MARCHF10: variants seen among roughly 807,000 people sequenced by gnomAD.
The protein encoded by MARCHF10 is probable E3 ubiquitin-protein ligase MARCHF10.
Under a neutral mutation model 76.2 loss-of-function variants are expected in MARCHF10, and 64 were observed. The observed-to-expected ratio is 0.84, with a 90% CI of 0.69 to 1.03. The LOEUF is 1.03. MARCHF10 is among the 50% of genes least tolerant of loss of function. The probability of loss-of-function intolerance (pLI) is 0.00; values close to 1 mark genes in which losing one functional copy is unlikely to be tolerated. For missense variants in MARCHF10, 875 were observed against 958.0 expected (o/e 0.91, Z 1.14); for synonymous variants, 340 against 357.5 (o/e 0.95, Z 0.55).
chr17:62,784,324 C>G (rs531902738), intron 3 of MARCHF10, among the ~76,000 whole-genome samples: 1 of 152,106 alleles, frequency 6.6e-6, no homozygotes, highest in Non-Finnish European at 1.5e-5. Context: ...AATTCAACAA[C>G]CCCTCATGCT....
intron 3 of MARCHF10, among the ~76,000 whole-genome samples, chr17:62,761,128 T>A (rs1207628397): frequency 6.6e-6 from 1 of 152,214 alleles, no homozygotes; most frequent in Non-Finnish European, 1.5e-5. Context: ...AGTCCTCTAC[T>A]TGTCAGTCTT....
At chr17:62,784,289 T>C (rs1316981927) in intron 3 of MARCHF10, among the ~76,000 whole-genome samples, 6 of 152,160 alleles carry the variant, frequency 3.9e-5, no homozygotes, top group Non-Finnish European at 5.9e-5. Context: ...ATTATCTCAA[T>C]AGATGCAGAA....
At chr17:62,715,758 A>G (rs1337113130) in intron 8 of MARCHF10, among the ~76,000 whole-genome samples, 1 of 152,118 alleles carries the variant, frequency 6.6e-6, no homozygotes. Flanking sequence ...GGAGTTCCTG[A>G]TCTAGCCGCT....
chr17:62,716,666 G>C (rs1257192255), intron 8 of MARCHF10, among the ~76,000 whole-genome samples: 1 of 150,172 alleles, frequency 6.7e-6, no homozygotes, highest in African/African-American at 2.5e-5. Context: ...AGAAATTTTT[G>C]TATGGTTTTT....
intron 6 of MARCHF10, among the ~76,000 whole-genome samples, chr17:62,729,806 C>G (rs1282174489): frequency 5.9e-5 from 9 of 151,968 alleles, no homozygotes; most frequent in Non-Finnish European, 8.8e-5. Flanking sequence ...ACTCCTGGCC[C>G]CAGGTGATCC....
chr17:62,744,564 T>C (rs1340210713), intron 4 of MARCHF10, 36 bp from the exon 5 acceptor site: 4 of 1,608,986 alleles, frequency 2.5e-6, no homozygotes, highest in Non-Finnish European at 3.4e-6. Flanking sequence ...AATTATTTTG[T>C]TTACAGGAAA....
intron 8 of MARCHF10, 34 bp downstream of exon 8, chr17:62,722,454 T>A (rs757473517): frequency 1.5e-5 from 23 of 1,494,910 alleles, no homozygotes; most frequent in Non-Finnish European, 1.9e-5. Flanking sequence ...TAACATACTT[T>A]AACCTGTGGA....
chr17:62,777,215 G>T (rs1056661263), intron 3 of MARCHF10, among the ~76,000 whole-genome samples: 31 of 152,168 alleles, frequency 2.0e-4, no homozygotes, highest in Non-Finnish European at 1.9e-4. Context: ...CAAGGTAAGA[G>T]GTGGAGCTCA....
intron 8 of MARCHF10, chr17:62,714,509 A>C: frequency 2.9e-6 from 2 of 692,050 alleles, no homozygotes; most frequent in Non-Finnish European, 3.6e-6. Flanking sequence ...CAAGACCTGC[A>C]TCTGTCTTGT....
intron 3 of MARCHF10, among the ~76,000 whole-genome samples, chr17:62,778,677 T>C (rs1253675570): frequency 1.8e-5 from 2 of 113,354 alleles, no homozygotes; most frequent in East Asian, 2.2e-4. Context: ...AACACGACTC[T>C]GTCTCAAAAA....
At chr17:62,807,926 T>A (rs67245197) in intron 1 of MARCHF10, among the ~76,000 whole-genome samples, 151 bp downstream of exon 1, 14,604 of 151,990 alleles carry the variant, frequency 0.096, 871 homozygotes, top group East Asian at 0.24. Flanking sequence ...GACAGAAAAA[T>A]GCTGGGGCTG....
Position 62,801,745 on chromosome 17 carries a change from TC to T in MARCHF10, c.-11del. Reference sequence around the variant, plus strand: ...TTGCGTCATGCAACATGATTCCTAATCCCTGACCTGCACAGAAAAGATAAAC... The same window carrying T: ...TTGCGTCATGCAACATGATTCCTAATCCTGACCTGCACAGAAAAGATAAAC... On this transcript the variant is annotated 5_prime_UTR_variant, in exon 2 of 11. Coordinates refer to ENST00000311269, the MANE Select transcript of MARCHF10 (RefSeq NM_152598.4). The T allele has an allele frequency of 6.2e-7, 1 of 1,611,460 alleles. No individual in the cohort carries two copies. Among genetic ancestry groups the T allele is most frequent in the Non-Finnish European group, 8.5e-7 (1 of 1,177,574 alleles).
At chr17:62,759,591 G>A (rs1449792756) in intron 4 of MARCHF10, among the ~76,000 whole-genome samples, 1 of 152,072 alleles carries the variant, frequency 6.6e-6, no homozygotes, top group African/African-American at 2.4e-5. Flanking sequence ...CGATTCTCCT[G>A]CCTCAGCCTC....
intron 8 of MARCHF10, among the ~76,000 whole-genome samples, chr17:62,719,862 T>TCTTTG (rs1240990855): frequency 6.6e-6 from 1 of 152,220 alleles, no homozygotes; most frequent in African/African-American, 2.4e-5. Flanking sequence ...TTTTCTTTTC[T>TCTTTG]TTTTTTCCAA....
chr17:62,775,507 C>CGGG (rs138680582), intron 3 of MARCHF10, among the ~76,000 whole-genome samples: 4,190 of 146,512 alleles, frequency 0.029, 264 homozygotes, highest in African/African-American at 0.1. Flanking sequence ...GTCAGCCACT[C>CGGG]GGGGGGGGGC....
intron 3 of MARCHF10, among the ~76,000 whole-genome samples, chr17:62,777,449 G>A (rs554233849): frequency 1.3e-5 from 2 of 152,242 alleles, no homozygotes; most frequent in Admixed American, 6.5e-5. Flanking sequence ...TAGCCTGGGC[G>A]AAGTGGCTCA....
At chr17:62,784,752 C>T (rs955627418) in intron 3 of MARCHF10, among the ~76,000 whole-genome samples, 2 of 152,164 alleles carry the variant, frequency 1.3e-5, no homozygotes, top group Non-Finnish European at 2.9e-5. Context: ...ACAGCCAAAT[C>T]ATGAGTGAAC....
chr17:62,760,892 A>T (rs956302526), intron 3 of MARCHF10, among the ~76,000 whole-genome samples: 22 of 152,340 alleles, frequency 1.4e-4, no homozygotes, highest in African/African-American at 5.3e-4. Flanking sequence ...TCCATTGCAC[A>T]TTAGTCCAGT....
chr17:62,806,143 T>C (rs2093160692), intron 1 of MARCHF10, among the ~76,000 whole-genome samples: 1 of 152,124 alleles, frequency 6.6e-6, no homozygotes, highest in Non-Finnish European at 1.5e-5. Context: ...GTTACCTCAG[T>C]ATAAGCAAAC....
Sources: allele counts gnomAD v4.1 joint callset (sites outside exome capture counted in the v4.1 genomes callset), GRCh38; gene constraint gnomAD v4.1.1; transcripts MANE v1.5; gene names NCBI Gene and HGNC (gene_info 2026-07-23, HGNC 2026-07-21).